The following CLOCK variants were observed in gnomAD, a reference collection of about 807,000 sequenced individuals.
CLOCK encodes the protein circadian locomoter output cycles protein kaput.
In CLOCK, 43 loss-of-function variants were observed where a neutral mutation model predicts 118.4. That is an observed-to-expected ratio of 0.36 (90% CI 0.28 to 0.47). The LOEUF (loss-of-function observed/expected upper bound fraction) is 0.47. Among genes scored for constraint, CLOCK ranks in the 20% least tolerant of loss-of-function variants. The probability of loss-of-function intolerance (pLI) is 1.00; values close to 1 mark genes in which losing one functional copy is unlikely to be tolerated. For synonymous variants in CLOCK, 326 were observed against 339.2 expected, an observed-to-expected ratio of 0.96 and a Z score of 0.43; for missense variants, 846 against 999.9, an observed-to-expected ratio of 0.85 and a Z score of 2.08.
chr4:55,453,242 G>C, intron 14 of CLOCK, 113 bp from the exon 15 acceptor site: 1 of 885,324 alleles, frequency 1.1e-6, no homozygotes, highest in Non-Finnish European at 1.9e-6. Context: ...TAGACTATTT[G>C]CTATGTGCTA....
chr4:55,494,691 CCT>C (rs975040011), intron 2 of CLOCK, among the ~76,000 whole-genome samples: 7 of 152,088 alleles, frequency 4.6e-5, no homozygotes, highest in East Asian at 1.9e-4. Context: ...CCAAACACCC[CCT>C]GTTCCCCAAA....
chr4:55,543,257 A>C (rs530219493), intron 1 of CLOCK, among the ~76,000 whole-genome samples: 30 of 152,316 alleles, frequency 2.0e-4, no homozygotes, highest in African/African-American at 6.7e-4. Flanking sequence ...AAATGCCTCC[A>C]TAACAATTGG....
intron 7 of CLOCK, among the ~76,000 whole-genome samples, chr4:55,474,879 A>G (rs1371886227): frequency 6.6e-6 from 1 of 152,222 alleles, no homozygotes; most frequent in Non-Finnish European, 1.5e-5. Flanking sequence ...GTAGCCCAAG[A>G]GTGCTGATGG....
Position 55,431,622 on chromosome 4 carries a change from A to G in CLOCK, c.*3793T>C, listed in dbSNP as rs566736641. On this transcript the variant is annotated 3_prime_UTR_variant, in exon 23 of 23. Transcript: ENST00000513440. ...TTCCAACAGGGACTCCTGTGGGACT[A>G]AGGGCCACAGGTAATTGGAAAGGTT... The G allele has an allele frequency of 6.6e-6, 1 of 152,358 alleles. No individual in the cohort carries two copies. Among genetic ancestry groups the G allele is most frequent in the East Asian group, 1.9e-4 (1 of 5,186 alleles). The allele number at this position is 152,358 out of a possible 1,614,324, so 9.4% of individuals were successfully genotyped here. A position where few individuals can be genotyped will look rare whatever the true frequency, so the allele number is the denominator to read the frequency against.
At chr4:55,505,112 A>C (rs1728715141) in intron 2 of CLOCK, among the ~76,000 whole-genome samples, 3 of 151,712 alleles carry the variant, frequency 2.0e-5, no homozygotes. Flanking sequence ...AGCTGAGACA[A>C]TGCCAGCCTA....
intron 2 of CLOCK, among the ~76,000 whole-genome samples, chr4:55,500,745 T>A (rs941093127): frequency 2.1e-4 from 32 of 152,366 alleles, no homozygotes; most frequent in African/African-American, 7.5e-4. Context: ...ACCTAATGGC[T>A]TTAGTAGTCA....
chr4:55,537,460 A>C (rs952239961), intron 1 of CLOCK, among the ~76,000 whole-genome samples: 11 of 152,068 alleles, frequency 7.2e-5, no homozygotes, highest in Non-Finnish European at 1.0e-4. Flanking sequence ...CTCTACAAAA[A>C]ATACAAAAAT....
chr4:55,502,649 A>G (rs1202979964), intron 2 of CLOCK, among the ~76,000 whole-genome samples: 1 of 152,224 alleles, frequency 6.6e-6, no homozygotes, highest in Non-Finnish European at 1.5e-5. Flanking sequence ...AAACATAAAA[A>G]GCGTTAACCA....
At chr4:55,538,745 AAC>A (rs1466470502) in intron 1 of CLOCK, among the ~76,000 whole-genome samples, 3 of 152,254 alleles carry the variant, frequency 2.0e-5, no homozygotes, top group Admixed American at 6.5e-5. Flanking sequence ...CTTTAAAAGT[AAC>A]ACAGAGAGTC....
intron 8 of CLOCK, among the ~76,000 whole-genome samples, chr4:55,466,170 T>C (rs1725727428): frequency 6.6e-6 from 1 of 152,136 alleles, no homozygotes; most frequent in Non-Finnish European, 1.5e-5. Context: ...ATGGGGGAAG[T>C]TACCTCCATG....
rs375640636 is a variant in CLOCK at position 55,478,715 on chromosome 4, T to C, written c.256+100A>G. On this transcript the variant is annotated intron_variant, in intron 6 of 22. Coordinates refer to ENST00000513440, the MANE Select transcript of CLOCK (RefSeq NM_004898.4). ...TTTTAAAATGCAATTGATTTCTCTC[T>C]CTTAAAAAAGCCAAGGAAGCATCCA... 1.1e-4 allele frequency: 125 copies of C among 1,160,616 alleles called. No homozygotes were observed. In the African/African-American group the frequency reaches 1.7e-3, roughly 16 times the overall value. The allele number at this position is 1,160,616 out of a possible 1,614,324, so 71.9% of individuals were successfully genotyped here.
intron 1 of CLOCK, among the ~76,000 whole-genome samples, chr4:55,535,917 G>A (rs993662302): frequency 1.3e-5 from 2 of 151,896 alleles, no homozygotes; most frequent in Non-Finnish European, 2.9e-5. Context: ...TATTGCTTGG[G>A]TTAGAGGCTG....
intron 1 of CLOCK, among the ~76,000 whole-genome samples, chr4:55,542,364 A>T (rs1467019546): frequency 1.2e-3 from 77 of 63,738 alleles, no homozygotes; most frequent in African/African-American, 4.5e-3. Flanking sequence ...AATAATAATA[A>T]TAATAATAAT....
intron 1 of CLOCK, among the ~76,000 whole-genome samples, chr4:55,532,866 G>T (rs1730643014): frequency 6.6e-6 from 1 of 151,746 alleles, no homozygotes; most frequent in Non-Finnish European, 1.5e-5. Flanking sequence ...AAGGGGTCGG[G>T]TCGGGGGGGT....
intron 21 of CLOCK, among the ~76,000 whole-genome samples, chr4:55,441,060 G>A (rs1378485986): frequency 6.6e-6 from 1 of 152,106 alleles, no homozygotes; most frequent in East Asian, 1.9e-4. Context: ...AAACAATACC[G>A]ATTTATCTTT....
intron 7 of CLOCK, among the ~76,000 whole-genome samples, chr4:55,474,961 G>A (rs538333792): frequency 1.3e-5 from 2 of 152,156 alleles, no homozygotes. Context: ...CATGGGTCAA[G>A]GAATAATTTT....
intron 1 of CLOCK, among the ~76,000 whole-genome samples, chr4:55,516,343 G>A (rs939096436): frequency 6.6e-6 from 1 of 152,186 alleles, no homozygotes; most frequent in Non-Finnish European, 1.5e-5. Flanking sequence ...TCTCCTTGCA[G>A]TTCTGTTTTT....
intron 2 of CLOCK, among the ~76,000 whole-genome samples, chr4:55,495,876 A>C (rs1442413335): frequency 7.1e-6 from 1 of 141,184 alleles, no homozygotes; most frequent in Non-Finnish European, 1.6e-5. Flanking sequence ...AAGACAAAAA[A>C]CACAAACTTT....
At chr4:55,537,208 A>T (rs1210968727) in intron 1 of CLOCK, among the ~76,000 whole-genome samples, 1 of 152,172 alleles carries the variant, frequency 6.6e-6, no homozygotes, top group African/African-American at 2.4e-5. Context: ...AACGGCCAGG[A>T]GTGGAGGCTC....
Sources: allele counts gnomAD v4.1 joint callset (sites outside exome capture counted in the v4.1 genomes callset), GRCh38; gene constraint gnomAD v4.1.1; transcripts MANE v1.5; gene names NCBI Gene and HGNC (gene_info 2026-07-23, HGNC 2026-07-21).